The following ALDH9A1 variants were observed in gnomAD, a reference collection of about 807,000 sequenced individuals.
ALDH9A1 encodes the protein 4-trimethylaminobutyraldehyde dehydrogenase.
ALDH9A1 carries 42 observed loss-of-function variants against 56.6 expected under a neutral mutation model. The ratio of observed to expected loss-of-function variants is 0.74; its 90% CI spans 0.58 to 0.96. The LOEUF is 0.96. Ranked by LOEUF, ALDH9A1 falls within the 40% of genes least tolerant of loss-of-function variation. The pLI, the probability that ALDH9A1 is intolerant of heterozygous loss-of-function variation, is 0.00. For synonymous variants in ALDH9A1, 242 were observed against 236.0 expected (o/e 1.03, Z -0.23); for missense variants, 661 against 651.5 (o/e 1.01, Z -0.16).
At chr1:165,694,454 T>C (rs1172505807) in intron 2 of ALDH9A1, among the ~76,000 whole-genome samples, 1 of 152,046 alleles carries the variant, frequency 6.6e-6, no homozygotes, top group Admixed American at 6.6e-5. Context: ...TTTTTTTTAG[T>C]TGACAAATAA....
At chr1:165,688,854 C>A (rs4646886) in intron 2 of ALDH9A1, among the ~76,000 whole-genome samples, 105,687 of 152,130 alleles carry the variant, frequency 0.69, 37,018 homozygotes, top group East Asian at 0.98. Flanking sequence ...AGAGCACGAT[C>A]ATCAGACAAG....
chr1:165,669,168 T>C (rs17416948), intron 7 of ALDH9A1, 94 bp downstream of exon 7: 23,134 of 1,374,296 alleles, frequency 0.017, 253 homozygotes, highest in South Asian at 0.023. Flanking sequence ...TGAATAATAG[T>C]CATACGAATA....
chr1:165,682,645 T>C (rs536967430), intron 3 of ALDH9A1, among the ~76,000 whole-genome samples: 1 of 152,192 alleles, frequency 6.6e-6, no homozygotes, highest in South Asian at 2.1e-4. Context: ...TTATACACTG[T>C]CAAAAAAAAG....
chr1:165,665,135 G>C lies in ALDH9A1; in HGVS notation c.1350-5C>G. ...CTATGAGCCCGTTGGATGTCCCTAT[G>C]AAGAAAAAAAAAATGTGTGCATTAT... On this transcript the variant is annotated splice_polypyrimidine_tract_variant and splice_region_variant and intron_variant, in intron 9 of 10. Coordinates refer to ENST00000354775, the MANE Select transcript of ALDH9A1 (RefSeq NM_000696.4). 1.2e-6 allele frequency: 2 copies of C among 1,601,496 alleles called. No individual in the cohort carries two copies. The highest frequency in any genetic ancestry group is 1.7e-6 in the Non-Finnish European group (2 of 1,175,354).
At chr1:165,668,681 G>T in intron 8 of ALDH9A1, 1 of 338,886 alleles carries the variant, frequency 3.0e-6, no homozygotes, top group Non-Finnish European at 5.3e-6. Context: ...TCATATTTTT[G>T]AGCTCCTTGC....
rs201651041 is a variant in ALDH9A1 at position 165,698,525 on chromosome 1, G to A, written c.34C>T (p.Pro12Ser). ...GAGGGCCGAAGACTGCGAAGAAGCG[G>A]GGAGAGCGCGGCCAGGCCTGCTCGG... Reference protein sequence around the residue: ...FLRAGLAALSPLLRSLRPSPV... With the variant: ...FLRAGLAALSSLLRSLRPSPV... The change falls in exon 1 of 11, where the codon CCG (proline) becomes TCG (serine). Residue 12 changes from proline to serine, a missense_variant. Transcript: ENST00000354775. 3 of 1,610,436 alleles carry A rather than the reference G, an allele frequency of 1.9e-6. No individual in the cohort carries two copies. The highest frequency in any genetic ancestry group is 2.2e-5 in the East Asian group (1 of 44,702).
chr1:165,680,677 G>A lies in ALDH9A1; in HGVS notation c.599C>T (p.Ala200Val), dbSNP rs976703538. The A allele has an allele frequency of 6.2e-7, 1 of 1,603,182 alleles. No individual in the cohort carries two copies. Among genetic ancestry groups the A allele is most frequent in the Non-Finnish European group, 8.5e-7 (1 of 1,176,048 alleles). The stretch of plus-strand genomic sequence containing the variant: ...AAAGGGAGAAGGTTTAAAGACCATG[G>A]CATTACCTGCATAAACCCAAGACAC... Reference protein sequence around the residue: ...KSAPALACGNAMVFKPSPFTP... With the variant: ...KSAPALACGNVMVFKPSPFTP... Residue 200 changes from alanine to valine, a missense_variant, in exon 5 of 11, where the codon GCC becomes GTC. Transcript: ENST00000354775.
intron 6 of ALDH9A1, among the ~76,000 whole-genome samples, chr1:165,673,014 C>T (rs1021381673): frequency 1.8e-4 from 24 of 134,506 alleles, no homozygotes; most frequent in Admixed American, 1.6e-3. Context: ...CACACACACA[C>T]GGTTAAATTG....
At chr1:165,674,315 TAA>T (rs56088658) in intron 6 of ALDH9A1, among the ~76,000 whole-genome samples, 9,237 of 58,268 alleles carry the variant, frequency 0.16, 332 homozygotes, top group African/African-American at 0.26. Flanking sequence ...TTCCTTTCAC[TAA>T]AAAAAAAAAA....
At chr1:165,692,862 C>T (rs12021795) in intron 2 of ALDH9A1, among the ~76,000 whole-genome samples, 55,526 of 151,802 alleles carry the variant, frequency 0.37, 10,328 homozygotes, top group East Asian at 0.59. Context: ...GGTACCAAAA[C>T]AGAGATATAG....
intron 10 of ALDH9A1, among the ~76,000 whole-genome samples, chr1:165,663,993 C>T: frequency 6.6e-6 from 1 of 152,232 alleles, no homozygotes. Context: ...AAGGCCTAAG[C>T]TGCTGATTCC....
At chr1:165,678,240 G>C (rs1043983286) in intron 6 of ALDH9A1, among the ~76,000 whole-genome samples, 1 of 149,800 alleles carries the variant, frequency 6.7e-6, no homozygotes, top group East Asian at 2.0e-4. Flanking sequence ...AGGCTGAGGC[G>C]GGGGAATCGC....
Position 165,680,574 on chromosome 1 carries a change from C to T in ALDH9A1, c.702G>A (p.Gln234=), listed in dbSNP as rs780253329. ...GVPPGLFNVV[Q]GGAATGQFLC... is the part of the protein sequence containing the mutation. ...GAAACTGGCCTGTGGCAGCCCCTCC[C>T]TGCACCACATTGAAGAGCCCAGGAG... Residue 234 remains glutamine (Q), a synonymous_variant, in exon 5 of 11, where the codon CAG becomes CAA. Coordinates refer to ENST00000354775, the MANE Select transcript of ALDH9A1 (RefSeq NM_000696.4). 8 of 1,614,078 alleles carry T rather than the reference C, an allele frequency of 5.0e-6. No homozygotes were observed. The highest frequency in any genetic ancestry group is 1.6e-4 in the Middle Eastern group (1 of 6,084).
intron 6 of ALDH9A1, among the ~76,000 whole-genome samples, chr1:165,675,248 G>GCTCT (rs34495301): frequency 1.9e-4 from 29 of 150,576 alleles, no homozygotes; most frequent in East Asian, 5.9e-4. Context: ...TATTTTTAGT[G>GCTCT]CTCTCTCTCT....
chr1:165,673,750 C>G (rs1361756482), intron 6 of ALDH9A1, among the ~76,000 whole-genome samples: 1 of 152,136 alleles, frequency 6.6e-6, no homozygotes, highest in African/African-American at 2.4e-5. Flanking sequence ...AAAAAGTTTA[C>G]AGAAGATGGA....
chr1:165,673,693 G>C (rs1571170112), intron 6 of ALDH9A1, among the ~76,000 whole-genome samples: 1 of 152,124 alleles, frequency 6.6e-6, no homozygotes, highest in African/African-American at 2.4e-5. Flanking sequence ...CTGAATACAA[G>C]AGACCCTAAT....
chr1:165,693,757 C>G (rs898683786), intron 2 of ALDH9A1, among the ~76,000 whole-genome samples: 1 of 152,186 alleles, frequency 6.6e-6, no homozygotes, highest in Admixed American at 6.5e-5. Flanking sequence ...TATAAAGACA[C>G]ATGCACACGT....
intron 2 of ALDH9A1, among the ~76,000 whole-genome samples, chr1:165,689,545 GTTC>G (rs1649819828): frequency 6.6e-6 from 1 of 152,142 alleles, no homozygotes; most frequent in Non-Finnish European, 1.5e-5. Flanking sequence ...GAAGTTTAGG[GTTC>G]TTCTCCTTTG....
rs1649100351 is a variant in ALDH9A1, at chr1:165,669,259, T to G, written c.1119+3A>C. 2 of 1,599,528 alleles carry G rather than the reference T, an allele frequency of 1.3e-6. No individual in the cohort carries two copies. The highest frequency in any genetic ancestry group is 1.1e-5 in the South Asian group (1 of 88,406). On this transcript the variant is annotated splice_donor_region_variant and intron_variant, in intron 7 of 10. Coordinates refer to ENST00000354775, the MANE Select transcript of ALDH9A1 (RefSeq NM_000696.4). ...CCCCACCCTACTGCCAATTATTTCT[T>G]ACCTGCTCCTTTGCCACTTTGACAA...
Sources: allele counts gnomAD v4.1 joint callset (sites outside exome capture counted in the v4.1 genomes callset), GRCh38; gene constraint gnomAD v4.1.1; transcripts MANE v1.5; gene names NCBI Gene and HGNC (gene_info 2026-07-23, HGNC 2026-07-21).